COL10A1: variants seen among roughly 807,000 people sequenced by gnomAD.
The protein encoded by COL10A1 is collagen type X alpha 1 chain, also known as collagen alpha-1(X) chain.
A neutral mutation model predicts 18.2 loss-of-function variants in COL10A1; 10 were observed. The observed-to-expected ratio is 0.55, with a 90% CI of 0.34 to 0.93. COL10A1 has a LOEUF of 0.93. Ranked by LOEUF, COL10A1 falls within the 40% of genes least tolerant of loss-of-function variation. The probability of loss-of-function intolerance (pLI) is 0.02; values close to 1 mark genes in which losing one functional copy is unlikely to be tolerated. For missense variants in COL10A1, 897 were observed against 853.5 expected, an observed-to-expected ratio of 1.05 and a Z score of -0.64; for synonymous variants, 330 against 316.6, an observed-to-expected ratio of 1.04 and a Z score of -0.45.
chr6:116,136,587 C>G (rs536038555), intron 1 of COL10A1, among the ~76,000 whole-genome samples: 2 of 152,184 alleles, frequency 1.3e-5, no homozygotes, highest in Admixed American at 1.3e-4. Flanking sequence ...CCACATAACA[C>G]TTACTATAAA....
At chr6:116,180,033 C>G in the COL10A1 span, among the ~76,000 whole-genome samples, 1 of 151,976 alleles carries the variant, frequency 6.6e-6, no homozygotes, top group African/African-American at 2.4e-5. Context: ...TTTTTTATTG[C>G]AAAATACCGT....
chr6:116,167,017 TA>T, the COL10A1 span, among the ~76,000 whole-genome samples: 1 of 152,132 alleles, frequency 6.6e-6, no homozygotes, highest in South Asian at 2.1e-4. Context: ...CTATAGGACT[TA>T]TAAAGATGGT....
chr6:116,159,148 G>A (rs751325622), upstream of COL10A1, among the ~76,000 whole-genome samples: 1 of 151,914 alleles, frequency 6.6e-6, no homozygotes, highest in Non-Finnish European at 1.5e-5. Flanking sequence ...CATTGCTCTG[G>A]GATCAATGTT....
the COL10A1 span, among the ~76,000 whole-genome samples, chr6:116,173,426 G>C: frequency 1.3e-5 from 2 of 152,190 alleles, no homozygotes; most frequent in Non-Finnish European, 2.9e-5. Flanking sequence ...GTGATTTTTG[G>C]ACAGCAGAAC....
At chr6:116,213,114 A>G in the COL10A1 span, among the ~76,000 whole-genome samples, 1 of 152,252 alleles carries the variant, frequency 6.6e-6, no homozygotes, top group South Asian at 2.1e-4. Context: ...GCTCCATAGG[A>G]TACCAACACA....
chr6:116,144,713 C>T (rs1461871295), intron 1 of COL10A1, among the ~76,000 whole-genome samples: 2 of 152,082 alleles, frequency 1.3e-5, no homozygotes, highest in African/African-American at 2.4e-5. Context: ...GACTTCACAC[C>T]AGTAACATGT....
intron 2 of COL10A1, among the ~76,000 whole-genome samples, chr6:116,122,316 G>A (rs1466860445): frequency 6.6e-6 from 1 of 152,084 alleles, no homozygotes; most frequent in Non-Finnish European, 1.5e-5. Context: ...AGACAGTGCA[G>A]AATAAGTGAG....
chr6:116,204,945 A>G, the COL10A1 span, among the ~76,000 whole-genome samples: 1 of 152,146 alleles, frequency 6.6e-6, no homozygotes, highest in East Asian at 1.9e-4. Context: ...AATGTGTACT[A>G]GAAAATACAT....
intron 1 of COL10A1, among the ~76,000 whole-genome samples, chr6:116,154,333 T>A (rs1780126749): frequency 6.6e-6 from 1 of 152,216 alleles, no homozygotes. Context: ...CCGGGATTTC[T>A]TTCTGTTCCT....
chr6:116,138,612 TA>T (rs1348093783), intron 1 of COL10A1, among the ~76,000 whole-genome samples: 6 of 151,996 alleles, frequency 3.9e-5, no homozygotes, highest in Non-Finnish European at 5.9e-5. Context: ...CAAACATGCT[TA>T]TTTTTTAGGA....
Position 116,121,091 on chromosome 6 carries a change from T to C in COL10A1, c.1025A>G (p.Asn342Ser), listed in dbSNP as rs753939166. Reference sequence around the variant, plus strand: ...GCCTTTTGGTCCTTGGGGTCCCATATTCCCAGGGGGTCCAGTCAGACCTGG... The same window carrying C: ...GCCTTTTGGTCCTTGGGGTCCCATACTCCCAGGGGGTCCAGTCAGACCTGG... ...GKPGLTGPPG[N>S]MGPQGPKGIP... The change falls in exon 3 of 3, where the codon AAT becomes AGT. Residue 342 changes from asparagine to serine, a missense_variant. By Grantham distance (46) the Asn-to-Ser change is conservative. Coordinates refer to ENST00000651968, the MANE Select transcript of COL10A1 (RefSeq NM_000493.4). 6.2e-7 allele frequency: 1 copy of C among 1,613,930 alleles called. No individual in the cohort carries two copies. The highest frequency in any genetic ancestry group is 1.1e-5 in the South Asian group (1 of 91,084).
At chr6:116,197,529 C>T in the COL10A1 span, among the ~76,000 whole-genome samples, 2 of 151,966 alleles carry the variant, frequency 1.3e-5, no homozygotes, top group Non-Finnish European at 2.9e-5. Flanking sequence ...CCAGGTACAG[C>T]GGTTAATAAC....
chr6:116,143,029 G>A (rs1350329452), intron 1 of COL10A1, among the ~76,000 whole-genome samples: 1 of 152,106 alleles, frequency 6.6e-6, no homozygotes, highest in Non-Finnish European at 1.5e-5. Context: ...AGAAGACTAT[G>A]GTTCTGTCCT....
the COL10A1 span, among the ~76,000 whole-genome samples, chr6:116,207,764 A>T: frequency 1.3e-5 from 2 of 151,926 alleles, no homozygotes; most frequent in African/African-American, 4.8e-5. Flanking sequence ...CCAGGTTCCC[A>T]CTGTATTTCT....
the COL10A1 span, among the ~76,000 whole-genome samples, chr6:116,175,387 T>C: frequency 0.039 from 5,910 of 152,272 alleles, 176 homozygotes; most frequent in African/African-American, 0.079. Flanking sequence ...AGTTTGACTA[T>C]GATGTGGTAG....
intron 1 of COL10A1, chr6:116,125,754 C>G (rs1334570644): frequency 3.0e-6 from 1 of 336,194 alleles, no homozygotes; most frequent in African/African-American, 2.2e-5. Context: ...GGAAAAGAAA[C>G]AGAAATTAGG....
the COL10A1 span, among the ~76,000 whole-genome samples, chr6:116,194,667 A>T: frequency 6.6e-6 from 1 of 152,078 alleles, no homozygotes; most frequent in African/African-American, 2.4e-5. Context: ...AAGTCAGTAG[A>T]TGTTGTTTAT....
At chr6:116,185,971 A>G in the COL10A1 span, among the ~76,000 whole-genome samples, 2 of 151,786 alleles carry the variant, frequency 1.3e-5, no homozygotes, top group African/African-American at 4.8e-5. Flanking sequence ...ATCCTGTGAG[A>G]TTTATGCTTT....
chr6:116,203,216 CTGAT>C, the COL10A1 span, among the ~76,000 whole-genome samples: 1 of 151,906 alleles, frequency 6.6e-6, no homozygotes, highest in African/African-American at 2.4e-5. Flanking sequence ...TCTTTCATTT[CTGAT>C]TTAACACTTG....
Sources: allele counts gnomAD v4.1 joint callset (sites outside exome capture counted in the v4.1 genomes callset), GRCh38; gene constraint gnomAD v4.1.1; transcripts MANE v1.5; gene names NCBI Gene and HGNC (gene_info 2026-07-23, HGNC 2026-07-21).